Variants in HERC2 observed in about 807,000 individuals in gnomAD.
The protein encoded by HERC2 is E3 ubiquitin-protein ligase HERC2.
Under a neutral mutation model 537.7 loss-of-function variants are expected in HERC2, and 102 were observed. The ratio of observed to expected loss-of-function variants is 0.19; its 90% CI spans 0.16 to 0.22. The LOEUF (loss-of-function observed/expected upper bound fraction) is 0.22. HERC2 is among the 10% of genes least tolerant of loss of function. The probability of loss-of-function intolerance (pLI) is 1.00; values close to 1 mark genes in which losing one functional copy is unlikely to be tolerated. For missense variants in HERC2, 4,236 were observed against 6,198.2 expected, an observed-to-expected ratio of 0.68 and a Z score of 10.63; for synonymous variants, 2,224 against 2,466.2, an observed-to-expected ratio of 0.90 and a Z score of 2.91.
chr15:28,187,576 A>T lies in HERC2; in HGVS notation c.8650-824T>A, dbSNP rs141102128. Among the ~76,000 whole-genome samples the T allele has an allele frequency of 8.6e-3, 1,312 of 152,160 alleles. 23 individuals are homozygous for T. Among genetic ancestry groups the T allele is most frequent in the African/African-American group, 0.03 (1,238 of 41,516 alleles). On this transcript the variant is annotated intron_variant, in intron 55 of 92. Coordinates refer to ENST00000261609, the MANE Select transcript of HERC2 (RefSeq NM_004667.6). The stretch of plus-strand genomic sequence containing the variant: ...TTGAACTTCTGACCTCAGGTGATCC[A>T]CCTGCCTCAGCTTCCCAAAGTACTG...
intron 85 of HERC2, among the ~76,000 whole-genome samples, chr15:28,123,693 T>C (rs192725099): frequency 3.1e-4 from 47 of 152,296 alleles, no homozygotes; most frequent in African/African-American, 9.1e-4. Flanking sequence ...GGACTTGCCA[T>C]AGCCACAAGG....
intron 69 of HERC2, among the ~76,000 whole-genome samples, chr15:28,154,447 T>C (rs527797268): frequency 1.3e-5 from 2 of 152,364 alleles, no homozygotes; most frequent in South Asian, 4.1e-4. Context: ...ATCCTTATTC[T>C]TGTCTCTCCT....
At chr15:28,161,264 A>T (rs530072114) in intron 69 of HERC2, among the ~76,000 whole-genome samples, 5 of 151,678 alleles carry the variant, frequency 3.3e-5, no homozygotes, top group African/African-American at 4.9e-5. Context: ...TTTTTTTTTT[A>T]AATATAATTC....
At chr15:28,137,772 A>T (rs1250507671) in intron 78 of HERC2, among the ~76,000 whole-genome samples, 2 of 152,230 alleles carry the variant, frequency 1.3e-5, no homozygotes. Context: ...TAAGAGTTCA[A>T]GTGAAAGGAA....
chr15:28,121,165 A>C (rs148608734), intron 86 of HERC2, among the ~76,000 whole-genome samples, 181 bp downstream of exon 86: 1 of 152,344 alleles, frequency 6.6e-6, no homozygotes, highest in East Asian at 1.9e-4. Flanking sequence ...AAACACACTG[A>C]CATTCCTGGA....
chr15:28,250,951 AT>A (rs1413391600), intron 20 of HERC2, among the ~76,000 whole-genome samples: 1 of 152,078 alleles, frequency 6.6e-6, no homozygotes, highest in African/African-American at 2.4e-5. Context: ...TTTATTTTGT[AT>A]TTTTTAAGTA....
At chr15:28,175,367 G>A in intron 64 of HERC2, 145 bp downstream of exon 64, 1 of 821,854 alleles carries the variant, frequency 1.2e-6, no homozygotes, top group Non-Finnish European at 1.9e-6. Context: ...AAAAGGAACA[G>A]GACCCGCCCT....
chr15:28,162,948 CTAAAGGAGT>C, intron 69 of HERC2, 137 bp downstream of exon 69: 3 of 690,476 alleles, frequency 4.3e-6, no homozygotes, highest in Middle Eastern at 4.2e-4. Context: ...ACGTTTTGCT[CTAAAGGAGT>C]GCTCCTAACC....
Position 28,173,896 on chromosome 15 carries a change from A to AGGAG in HERC2, c.10057+498_10057+499insCTCC, listed in dbSNP as rs201279264. On this transcript the variant is annotated intron_variant, in intron 65 of 92. Coordinates refer to ENST00000261609, the MANE Select transcript of HERC2 (RefSeq NM_004667.6). ...TAAATTGGTGCATACGGCAGGAAGG[A>AGGAG]GGGAGTTAAAAGCAAAAGGGAGGGG... Among the ~76,000 whole-genome samples, 582 of 151,688 alleles carry AGGAG rather than the reference A, an allele frequency of 3.8e-3. 2 individuals carry two copies. The highest frequency in any genetic ancestry group is 0.011 in the African/African-American group (453 of 41,270).
At chr15:28,308,620 C>T in intron 2 of HERC2, among the ~76,000 whole-genome samples, 1 of 152,228 alleles carries the variant, frequency 6.6e-6, no homozygotes, top group Non-Finnish European at 1.5e-5. Flanking sequence ...GCATCCTTGT[C>T]ATGTTCCAGA....
At chr15:28,228,995 T>C (rs1168336094) in intron 34 of HERC2, among the ~76,000 whole-genome samples, 200 bp downstream of exon 34, 1 of 152,214 alleles carries the variant, frequency 6.6e-6, no homozygotes, top group African/African-American at 2.4e-5. Flanking sequence ...TATACTAGAG[T>C]ACTTCAACAT....
chr15:28,140,454 G>A (rs1011744947), intron 78 of HERC2, among the ~76,000 whole-genome samples: 16 of 152,214 alleles, frequency 1.1e-4, no homozygotes, highest in African/African-American at 3.9e-4. Context: ...CTAGAATGGA[G>A]ACAGTCAAGT....
Position 28,254,397 on chromosome 15 carries a change from C to T in HERC2, c.2993G>A (p.Cys998Tyr). ...CAAACACTGTTTGCCAGAAGACTCA[C>T]AGATCCCCGTATTAATAAGGTCTTT... The part of the protein sequence containing the change: ...LDKDLINTGI[C>Y]ESSGKQCLPL... Residue 998 changes from cysteine (C) to tyrosine (Y), a missense_variant, in exon 20 of 93, where the codon TGT becomes TAT. Around this residue, in one of 27 missense-constraint regions of HERC2, gnomAD observed 754 missense variants for 1,085.0 expected, o/e 0.69. Transcript: ENST00000261609. 6.2e-7 allele frequency: 1 copy of T among 1,608,328 alleles called. No individual in the cohort carries two copies. Among genetic ancestry groups the T allele is most frequent in the Non-Finnish European group, 8.5e-7 (1 of 1,177,694 alleles).
At chr15:28,269,559 A>G in intron 10 of HERC2, 123 bp from the exon 11 acceptor site, 1 of 740,246 alleles carries the variant, frequency 1.4e-6, no homozygotes, top group South Asian at 1.9e-5. Context: ...CTGATTCAAA[A>G]CATCAAAATA....
At position 28,124,114 on chromosome 15, in the gene HERC2, C is replaced by T; in HGVS notation, c.13111G>A (p.Gly4371Ser). The T allele has an allele frequency of 1.9e-6, 3 of 1,607,366 alleles. No homozygotes were observed. The highest frequency in any genetic ancestry group is 2.5e-6 in the Non-Finnish European group (3 of 1,176,826). Residue 4371 changes from glycine to serine, a missense_variant, in exon 85 of 93, where the codon GGC becomes AGC. This residue lies in a region of HERC2 where 189 missense variants were observed against 255.7 expected (regional missense o/e 0.74). Coordinates refer to ENST00000261609, the MANE Select transcript of HERC2 (RefSeq NM_004667.6). The part of the protein sequence containing the change: ...CPCIPMFDLE[G>S]SLDETGLGPS... ...CCGAGTCCAGTTTCGTCGAGCGAGC[C>T]TTCCAGGTCGAACATGGGGATGCAG...
At chr15:28,246,193 A>T (rs1015232166) in intron 22 of HERC2, 127 bp from the exon 23 acceptor site, 5 of 631,204 alleles carry the variant, frequency 7.9e-6, no homozygotes, top group African/African-American at 5.5e-5. Context: ...CATATTTCTA[A>T]AGAATTATCT....
At chr15:28,123,976 A>G (rs529243703) in intron 85 of HERC2, 61 bp downstream of exon 85, 30 of 1,337,912 alleles carry the variant, frequency 2.2e-5, no homozygotes, top group African/African-American at 2.1e-4. Context: ...TAGGAATTCT[A>G]TTGGGTTACA....
chr15:28,241,180 C>A (rs980633742), intron 23 of HERC2, among the ~76,000 whole-genome samples: 1 of 152,060 alleles, frequency 6.6e-6, no homozygotes, highest in Non-Finnish European at 1.5e-5. Context: ...TAAAACCCAA[C>A]AAGACAAAAA....
chr15:28,321,752 CT>C lies in HERC2; in HGVS notation c.-31-289del, dbSNP rs1213156090. Among the ~76,000 whole-genome samples, 9 of 135,368 alleles carry C rather than the reference CT, an allele frequency of 6.6e-5. 2 individuals carry two copies. Among genetic ancestry groups the C allele is most frequent in the African/African-American group, 3.0e-4 (9 of 29,924 alleles). The allele number at this position is 135,368 out of a possible 152,430, so 88.8% of individuals were successfully genotyped here. On this transcript the variant is annotated intron_variant, in intron 1 of 92. Transcript: ENST00000261609. ...GAAGCCAAGTCACAATGTCATCCCC[CT>C]GCCCTCAAATCCAAGAAGTACACAC...
Sources: allele counts gnomAD v4.1 joint callset (sites outside exome capture counted in the v4.1 genomes callset), GRCh38; gene constraint gnomAD v4.1.1; regional missense constraint gnomAD v4.1.1; transcripts MANE v1.5; gene names NCBI Gene and HGNC (gene_info 2026-07-23, HGNC 2026-07-21).